Variants in EPS15 observed in about 807,000 individuals in gnomAD.
EPS15 encodes the protein epidermal growth factor receptor substrate 15.
EPS15 carries 72 observed loss-of-function variants against 113.8 expected under a neutral mutation model. That is an observed-to-expected ratio of 0.63 (90% CI 0.52 to 0.77). The LOEUF (loss-of-function observed/expected upper bound fraction) is 0.77. Ranked by LOEUF, EPS15 falls within the 30% of genes least tolerant of loss-of-function variation. The pLI, the probability that EPS15 is intolerant of heterozygous loss-of-function variation, is 0.00. For synonymous variants in EPS15, 344 were observed against 363.4 expected, an observed-to-expected ratio of 0.95 and a Z score of 0.61; for missense variants, 1,048 against 1,045.8, an observed-to-expected ratio of 1.00 and a Z score of -0.03.
At chr1:51,456,258 T>TA (rs1181872972) in intron 8 of EPS15, among the ~76,000 whole-genome samples, 1 of 152,184 alleles carries the variant, frequency 6.6e-6, no homozygotes, top group African/African-American at 2.4e-5. Context: ...GTTACTCTTT[T>TA]AAAAAATCTA....
intron 12 of EPS15, among the ~76,000 whole-genome samples, chr1:51,425,058 A>G (rs995568102): frequency 6.6e-6 from 1 of 152,192 alleles, no homozygotes; most frequent in Non-Finnish European, 1.5e-5. Flanking sequence ...ATTTTAGACT[A>G]TCTTTCAGGT....
At chr1:51,468,768 CTAA>C (rs200354581) in intron 4 of EPS15, among the ~76,000 whole-genome samples, 200 bp from the exon 5 acceptor site, 3,335 of 152,180 alleles carry the variant, frequency 0.022, 30 homozygotes, top group Middle Eastern at 0.034. Flanking sequence ...TTATGAATCG[CTAA>C]TAATAACATA....
chr1:51,364,695 C>T (rs960119186), intron 22 of EPS15, among the ~76,000 whole-genome samples: 1 of 151,890 alleles, frequency 6.6e-6, no homozygotes, highest in African/African-American at 2.4e-5. Context: ...GATGGAGTTT[C>T]GTTATGTTGC....
At chr1:51,429,544 A>AGGTTCATGTGT (rs1651520989) in intron 12 of EPS15, among the ~76,000 whole-genome samples, 1 of 152,224 alleles carries the variant, frequency 6.6e-6, no homozygotes, top group Non-Finnish European at 1.5e-5. Context: ...CTAGAATGGA[A>AGGTTCATGTGT]GGTTCATGTG....
intron 23 of EPS15, among the ~76,000 whole-genome samples, chr1:51,361,734 T>A (rs1335160778): frequency 6.6e-6 from 1 of 152,190 alleles, no homozygotes; most frequent in African/African-American, 2.4e-5. Context: ...ATGGCCTGCC[T>A]CTGCTGTTAC....
chr1:51,480,588 CA>C (rs1306278118), intron 2 of EPS15, among the ~76,000 whole-genome samples: 1 of 152,190 alleles, frequency 6.6e-6, no homozygotes, highest in Non-Finnish European at 1.5e-5. Context: ...GATCTTGGCT[CA>C]CTGTAACCTC....
intron 23 of EPS15, among the ~76,000 whole-genome samples, chr1:51,362,876 T>C (rs1278171658): frequency 2.0e-5 from 3 of 152,346 alleles, no homozygotes; most frequent in Non-Finnish European, 4.4e-5. Flanking sequence ...CAAGGAATTA[T>C]CCTTTTAGCC....
chr1:51,429,383 C>CT (rs1211604851), intron 12 of EPS15, among the ~76,000 whole-genome samples: 1 of 151,400 alleles, frequency 6.6e-6, no homozygotes, highest in Non-Finnish European at 1.5e-5. Context: ...ATTTTAACCA[C>CT]TTTAAGTGTA....
At chr1:51,372,194 C>T (rs1646673015) in intron 21 of EPS15, 1 of 427,630 alleles carries the variant, frequency 2.3e-6, no homozygotes, top group Non-Finnish European at 4.7e-6. Flanking sequence ...GTAGTCTTCA[C>T]AGGAGTTGCT....
chr1:51,471,312 C>G (rs2148511192), intron 4 of EPS15, among the ~76,000 whole-genome samples: 1 of 152,322 alleles, frequency 6.6e-6, no homozygotes, highest in African/African-American at 2.4e-5. Flanking sequence ...GACCAGAATA[C>G]TCACATCTCA....
At chr1:51,402,182 A>T (rs1012134209) in intron 18 of EPS15, among the ~76,000 whole-genome samples, 1 of 151,552 alleles carries the variant, frequency 6.6e-6, no homozygotes, top group Non-Finnish European at 1.5e-5. Context: ...ATACATACAT[A>T]CATACATACA....
At chr1:51,500,984 CAA>C (rs1186095022) in intron 1 of EPS15, among the ~76,000 whole-genome samples, 1 of 130,886 alleles carries the variant, frequency 7.6e-6, no homozygotes, top group Non-Finnish European at 1.6e-5. Flanking sequence ...AACTCCATCT[CAA>C]AAAAAAAAAA....
At chr1:51,489,075 C>A (rs998411658) in intron 1 of EPS15, among the ~76,000 whole-genome samples, 2 of 151,636 alleles carry the variant, frequency 1.3e-5, no homozygotes, top group African/African-American at 2.4e-5. Flanking sequence ...CCACCTACCC[C>A]ACTTGGATTG....
intron 21 of EPS15, among the ~76,000 whole-genome samples, chr1:51,394,026 T>C (rs1647659154): frequency 6.6e-6 from 1 of 152,224 alleles, no homozygotes; most frequent in Non-Finnish European, 1.5e-5. Flanking sequence ...CAATTTTCAT[T>C]TTCTACTGGA....
chr1:51,487,142 ACT>A (rs946156764), intron 1 of EPS15, among the ~76,000 whole-genome samples: 1 of 152,188 alleles, frequency 6.6e-6, no homozygotes, highest in Admixed American at 6.5e-5. Flanking sequence ...ATAAAATGTA[ACT>A]CTGCAAAATA....
intron 1 of EPS15, among the ~76,000 whole-genome samples, chr1:51,503,639 CAAAAAAT>C (rs1644450517): frequency 6.6e-6 from 1 of 151,826 alleles, no homozygotes; most frequent in South Asian, 2.1e-4. Context: ...TGAACAACAA[CAAAAAAT>C]AAAAAATAAA....
intron 1 of EPS15, among the ~76,000 whole-genome samples, chr1:51,510,040 T>G (rs1644590666): frequency 6.6e-6 from 1 of 152,232 alleles, no homozygotes; most frequent in South Asian, 2.1e-4. Context: ...TTTTGTTTTG[T>G]TTTTGTAAAA....
chr1:51,395,611 A>G lies in EPS15; in HGVS notation c.2053-1164T>C, dbSNP rs138044442. Among the ~76,000 whole-genome samples the G allele has an allele frequency of 3.3e-3, 496 of 152,320 alleles. 2 individuals carry two copies. The highest frequency in any genetic ancestry group is 0.012 in the African/African-American group (490 of 41,572). On this transcript the variant is annotated intron_variant, in intron 20 of 24. Transcript: ENST00000371733. ...AGCTATGTAAAAGTCTGGGATCAAGAGCAACTGATCTTGCTAAAGGTGAGG... is the reference window on the plus strand; with the variant it reads ...AGCTATGTAAAAGTCTGGGATCAAGGGCAACTGATCTTGCTAAAGGTGAGG...
At chr1:51,426,827 C>CTCTT (rs1307235252) in intron 12 of EPS15, among the ~76,000 whole-genome samples, 1 of 140,874 alleles carries the variant, frequency 7.1e-6, no homozygotes, top group African/African-American at 2.8e-5. Flanking sequence ...GTCTCTCTCT[C>CTCTT]TCTCTCTCTC....
Sources: allele counts gnomAD v4.1 joint callset (sites outside exome capture counted in the v4.1 genomes callset), GRCh38; gene constraint gnomAD v4.1.1; transcripts MANE v1.5; gene names NCBI Gene and HGNC (gene_info 2026-07-23, HGNC 2026-07-21).